Variants in WNT9A observed in about 807,000 individuals in gnomAD.
WNT9A encodes Wnt family member 9A.
Under a neutral mutation model 31.4 loss-of-function variants are expected in WNT9A, and 8 were observed. The observed-to-expected ratio is 0.26, with a 90% CI of 0.15 to 0.46. The LOEUF (loss-of-function observed/expected upper bound fraction) is 0.46. Ranked by LOEUF, WNT9A falls within the 20% of genes least tolerant of loss-of-function variation. The pLI, the probability that WNT9A is intolerant of heterozygous loss-of-function variation, is 0.99. For missense variants in WNT9A, 457 were observed against 522.9 expected (o/e 0.87, Z 1.23); for synonymous variants, 236 against 220.1 (o/e 1.07, Z -0.64).
intron 1 of WNT9A, among the ~76,000 whole-genome samples, chr1:227,933,681 T>A (rs551084654): frequency 2.0e-5 from 3 of 152,162 alleles, no homozygotes; most frequent in Non-Finnish European, 4.4e-5. Context: ...TAATATTGTC[T>A]CAGGACGTGC....
At chr1:227,924,117 C>T (rs748499931) in intron 3 of WNT9A, 21 bp downstream of exon 3, 79 of 1,564,064 alleles carry the variant, frequency 5.1e-5, no homozygotes, top group Middle Eastern at 1.7e-4. Flanking sequence ...CTTCCCACCC[C>T]GCCAGCCCCA....
chr1:227,935,183 A>T (rs1666573134), intron 1 of WNT9A, among the ~76,000 whole-genome samples: 1 of 151,376 alleles, frequency 6.6e-6, no homozygotes, highest in Non-Finnish European at 1.5e-5. Flanking sequence ...CTGTGACCCC[A>T]GCCACAGCCT....
At chr1:227,938,592 A>C (rs756047504) in intron 1 of WNT9A, among the ~76,000 whole-genome samples, 1 of 151,418 alleles carries the variant, frequency 6.6e-6, no homozygotes, top group African/African-American at 2.4e-5. Flanking sequence ...CAGACACACA[A>C]CCCCCCACAT....
chr1:227,947,738 C>T, intron 1 of WNT9A, 55 bp downstream of exon 1: 1 of 1,016,394 alleles, frequency 9.8e-7, no homozygotes, highest in Non-Finnish European at 1.2e-6. Context: ...GACGACCCCG[C>T]CCCGGCCCCG....
At chr1:227,945,392 T>A (rs1666778476) in intron 1 of WNT9A, among the ~76,000 whole-genome samples, 1 of 152,026 alleles carries the variant, frequency 6.6e-6, no homozygotes, top group South Asian at 2.1e-4. Flanking sequence ...GGGAGCCTCT[T>A]CCCCACAGGG....
In WNT9A at chr1:227,923,104, G is replaced by A. The variant is rs533964925; in HGVS notation, c.615+1034C>T. Reference sequence around the variant, plus strand: ...TTGCTTAGGGCTTGAATCTGCCTTCGAAGGCTCTCCCCTGCCCAAGAAGGC... The same window carrying A: ...TTGCTTAGGGCTTGAATCTGCCTTCAAAGGCTCTCCCCTGCCCAAGAAGGC... On this transcript the variant is annotated intron_variant, in intron 3 of 3. Coordinates refer to ENST00000272164, the MANE Select transcript of WNT9A (RefSeq NM_003395.4). 1.1e-4 allele frequency among the ~76,000 whole-genome samples: 17 copies of A among 152,290 alleles called. No homozygotes were observed. In the South Asian group the frequency reaches 3.5e-3, roughly 32 times the overall value.
In WNT9A at chr1:227,924,344, G is replaced by A. The variant is rs147118664; in HGVS notation, c.409C>T (p.Leu137=). The A allele has an allele frequency of 1.9e-5, 30 of 1,613,424 alleles. No individual in the cohort carries two copies. Among genetic ancestry groups the A allele is most frequent in the Non-Finnish European group, 3.4e-6 (4 of 1,179,920 alleles). ...AISSAGLTHA[L]AKACSAGRME... is the part of the protein sequence containing the mutation. ...CGGCCCGCGCTGCACGCCTTGGCCA[G>A]TGCGTGCGTCAGGCCAGCCGAGGAG... Residue 137 remains leucine (L), a synonymous_variant, in exon 3 of 4, where the codon CTG becomes TTG. Coordinates refer to ENST00000272164, the MANE Select transcript of WNT9A (RefSeq NM_003395.4).
chr1:227,924,063 CCCA>C, intron 3 of WNT9A, 72 bp downstream of exon 3: 11 of 187,452 alleles, frequency 5.9e-5, no homozygotes, highest in East Asian at 1.8e-4. Context: ...CGCCCCCAGT[CCCA>C]CGCCCCACCC....
At chr1:227,923,543 GGA>G (rs949343354) in intron 3 of WNT9A, among the ~76,000 whole-genome samples, 2 of 152,164 alleles carry the variant, frequency 1.3e-5, no homozygotes, top group African/African-American at 4.8e-5. Flanking sequence ...GAAGGGCTCA[GGA>G]GAGAGAGTCC....
Position 227,925,116 on chromosome 1 carries a change from T to C in WNT9A, c.352+147A>G, listed in dbSNP as rs988571911. On this transcript the variant is annotated intron_variant, in intron 2 of 3. Transcript: ENST00000272164. This position sits in a 1 kb window ranked among gnomAD's most constrained non-coding sequence, Gnocchi z 6.0. The stretch of plus-strand genomic sequence containing the variant: ...ACTCAGGGAGGTCCCGGGGCTGCCC[T>C]TTCCAGGGCCTAGGCCCAGGAGCTC... The C allele has an allele frequency of 1.8e-5, 23 of 1,285,338 alleles. 1 individual carries two copies. The African/African-American group carries it at 3.4e-4, about 19-fold the overall frequency. The allele number at this position is 1,285,338 out of a possible 1,614,324, so 79.6% of individuals were successfully genotyped here.
intron 2 of WNT9A, among the ~76,000 whole-genome samples, chr1:227,924,703 G>A (rs547710026): frequency 1.7e-4 from 26 of 152,320 alleles, no homozygotes; most frequent in African/African-American, 6.3e-4. Flanking sequence ...TGGGGCCATT[G>A]GCAAGGCCTG....
At position 227,921,673 on chromosome 1, in the gene WNT9A, G is replaced by A. The variant is rs765481595; in HGVS notation, c.943C>T (p.Arg315Cys). 8.1e-6 allele frequency: 13 copies of A among 1,613,124 alleles called. No individual in the cohort carries two copies. The highest frequency in any genetic ancestry group is 3.3e-5 in the Admixed American group (2 of 59,988). ...CAGATGCTCTCGCAGTTCTTCTCAC[G>A]GTGGCACCTACGGCCAGCGGTGCCC... ...SPGTAGRRCH[R>C]EKNCESICCG... Residue 315 changes from arginine to cysteine, a missense_variant, in exon 4 of 4, where the codon CGT (arginine) becomes TGT (cysteine). Transcript: ENST00000272164.
In WNT9A at chr1:227,946,391, G is replaced by A. The variant is rs956471772; in HGVS notation, c.95+1402C>T. 2.6e-5 allele frequency among the ~76,000 whole-genome samples: 4 copies of A among 152,262 alleles called. No individual in the cohort carries two copies. In the South Asian group the frequency reaches 6.2e-4, roughly 24 times the overall value. ...CAAGAAGCAGAGCCTCCGCTGGGCC[G>A]GAGAGCAGGGAAGCACAGCTGGCTG... On this transcript the variant is annotated intron_variant, in intron 1 of 3. Transcript: ENST00000272164.
chr1:227,934,273 A>G (rs1360632047), intron 1 of WNT9A, among the ~76,000 whole-genome samples: 3 of 152,246 alleles, frequency 2.0e-5, no homozygotes, highest in Non-Finnish European at 4.4e-5. Flanking sequence ...ATGTTTTCCA[A>G]TGTGGCTGCA....
chr1:227,945,888 C>T (rs1666786640), intron 1 of WNT9A, among the ~76,000 whole-genome samples: 1 of 152,064 alleles, frequency 6.6e-6, no homozygotes, highest in Non-Finnish European at 1.5e-5. Flanking sequence ...CCTGGCCTGC[C>T]CTGACCCAGG....
In WNT9A at chr1:227,924,131, C is replaced by G. The variant is rs776909596; in HGVS notation, c.615+7G>C. The stretch of plus-strand genomic sequence containing the variant: ...CCTTCCCACCCCGCCAGCCCCACCC[C>G]ACTTGCCTTCACACCCACGAGGTTG... On this transcript the variant is annotated splice_region_variant and intron_variant, in intron 3 of 3. Transcript: ENST00000272164. The G allele has an allele frequency of 3.7e-6, 6 of 1,603,564 alleles. No individual in the cohort carries two copies. The highest frequency in any genetic ancestry group is 1.3e-5 in the African/African-American group (1 of 74,662).
At chr1:227,946,289 A>T (rs1301899466) in intron 1 of WNT9A, among the ~76,000 whole-genome samples, 1 of 152,172 alleles carries the variant, frequency 6.6e-6, no homozygotes, top group Non-Finnish European at 1.5e-5. Flanking sequence ...ACCCAGCGCC[A>T]CCCCGTCTCC....
intron 1 of WNT9A, among the ~76,000 whole-genome samples, chr1:227,930,203 C>G (rs981592515): frequency 2.0e-5 from 3 of 152,164 alleles, no homozygotes; most frequent in African/African-American, 7.2e-5. Context: ...GTCACGTGGT[C>G]CATGAGCAGC....
At position 227,942,573 on chromosome 1, in the gene WNT9A, GC is replaced by G. The variant is rs1666725056; in HGVS notation, c.95+5219del. 3.9e-5 allele frequency among the ~76,000 whole-genome samples: 6 copies of G among 152,026 alleles called. No individual in the cohort carries two copies. The highest frequency in any genetic ancestry group is 8.8e-5 in the Non-Finnish European group (6 of 67,982). On this transcript the variant is annotated intron_variant, in intron 1 of 3. Coordinates refer to ENST00000272164, the MANE Select transcript of WNT9A (RefSeq NM_003395.4). The surrounding 1 kb of genome is among the most constrained non-coding windows in gnomAD (Gnocchi z 5.7). The stretch of plus-strand genomic sequence containing the variant: ...CCCAGGGAGTCCCCTGGCCCCCAGG[GC>G]CCCTCCTCTCAGCCCTCTGCTGAGG...
Sources: gnomAD v4.1 joint callset for allele counts (sites outside exome capture counted in the v4.1 genomes callset) on GRCh38, gnomAD v4.1.1 for gene constraint, Gnocchi (gnomAD v3.1) non-coding constraint, MANE v1.5 for transcripts, NCBI Gene and HGNC (gene_info 2026-07-23, HGNC 2026-07-21) for gene names.